Variants in EPSTI1 observed in about 807,000 individuals in gnomAD.
EPSTI1 encodes epithelial stromal interaction 1.
In EPSTI1, 66 loss-of-function variants were observed where a neutral mutation model predicts 49.9. That is an observed-to-expected ratio of 1.32 (90% CI 1.08 to 1.62). The LOEUF (loss-of-function observed/expected upper bound fraction) is 1.62, where lower values mean the gene tolerates loss of function less well. Among genes scored for constraint, EPSTI1 ranks in the 40% most tolerant of loss-of-function variants. The probability of loss-of-function intolerance (pLI) is 0.00; values close to 1 mark genes in which losing one functional copy is unlikely to be tolerated. For missense variants in EPSTI1, 394 were observed against 365.5 expected (o/e 1.08, Z -0.64); for synonymous variants, 137 against 130.7 (o/e 1.05, Z -0.33).
At chr13:42,971,836 C>G (rs1451304262) in intron 1 of EPSTI1, among the ~76,000 whole-genome samples, 1 of 152,188 alleles carries the variant, frequency 6.6e-6, no homozygotes, top group Non-Finnish European at 1.5e-5. Flanking sequence ...GTGCAACAGC[C>G]TTTGCATGCA....
At chr13:42,983,102 A>G (rs939125955) in intron 1 of EPSTI1, among the ~76,000 whole-genome samples, 10 of 152,208 alleles carry the variant, frequency 6.6e-5, no homozygotes, top group African/African-American at 2.4e-4. Flanking sequence ...ATGAATGGGT[A>G]TGCTTTTCTC....
intron 1 of EPSTI1, among the ~76,000 whole-genome samples, chr13:42,970,977 T>G (rs1438514344): frequency 6.6e-6 from 1 of 152,218 alleles, no homozygotes; most frequent in African/African-American, 2.4e-5. Context: ...AGTAAATTCC[T>G]TTAAGATGGC....
intron 6 of EPSTI1, among the ~76,000 whole-genome samples, chr13:42,940,745 C>T (rs970131554): frequency 9.9e-5 from 15 of 152,148 alleles, no homozygotes; most frequent in Admixed American, 9.8e-4. Flanking sequence ...GAATCATGCT[C>T]ATTGTTGAAT....
At chr13:42,980,499 G>C (rs190570914) in intron 1 of EPSTI1, among the ~76,000 whole-genome samples, 6 of 152,340 alleles carry the variant, frequency 3.9e-5, no homozygotes, top group Non-Finnish European at 7.3e-5. Context: ...GCAGGCAAGA[G>C]AGCACGTGCA....
At chr13:42,947,573 A>C (rs2038955472) in intron 6 of EPSTI1, among the ~76,000 whole-genome samples, 1 of 152,164 alleles carries the variant, frequency 6.6e-6, no homozygotes, top group South Asian at 2.1e-4. Context: ...ATTTTTTTTA[A>C]GAGGTGAGCA....
intron 10 of EPSTI1, chr13:42,889,389 G>T: frequency 5.7e-6 from 3 of 530,232 alleles, no homozygotes; most frequent in Non-Finnish European, 9.6e-6. Flanking sequence ...ACTTATTGGG[G>T]GCCTACTGCT....
intron 8 of EPSTI1, among the ~76,000 whole-genome samples, chr13:42,902,039 T>C (rs916469926): frequency 6.6e-6 from 1 of 152,028 alleles, no homozygotes; most frequent in Non-Finnish European, 1.5e-5. Flanking sequence ...GTTCTTGCGA[T>C]AGTTTACTGA....
intron 9 of EPSTI1, among the ~76,000 whole-genome samples, chr13:42,898,352 A>G (rs896289615): frequency 6.6e-6 from 1 of 152,246 alleles, no homozygotes; most frequent in Non-Finnish European, 1.5e-5. Context: ...TTAAGAGTTC[A>G]TTGAGTATGT....
chr13:42,931,191 C>CTTTTTTTTTTTTTTT (rs57488808), intron 6 of EPSTI1, among the ~76,000 whole-genome samples: 3 of 77,628 alleles, frequency 3.9e-5, no homozygotes, highest in Admixed American at 2.9e-4. Context: ...TTGCCTACAG[C>CTTTTTTTTTTTTTTT]TTTTTTTTTT....
At chr13:42,894,115 A>G (rs1275166226) in intron 10 of EPSTI1, among the ~76,000 whole-genome samples, 1 of 152,266 alleles carries the variant, frequency 6.6e-6, no homozygotes, top group African/African-American at 2.4e-5. Context: ...GTAAACTACT[A>G]GATTACTAGA....
chr13:42,895,863 CTA>C (rs1454620592), intron 9 of EPSTI1, among the ~76,000 whole-genome samples: 1 of 152,100 alleles, frequency 6.6e-6, no homozygotes, highest in Non-Finnish European at 1.5e-5. Flanking sequence ...AGAAATAAGA[CTA>C]TAAGCTTCTG....
chr13:42,911,950 T>G (rs778224237), intron 8 of EPSTI1, among the ~76,000 whole-genome samples: 1 of 152,220 alleles, frequency 6.6e-6, no homozygotes, highest in East Asian at 1.9e-4. Flanking sequence ...ATGACTTCCC[T>G]ATAAAAGTCT....
Position 42,986,404 on chromosome 13 carries a change from A to AGAAAC in EPSTI1, c.188+5573_188+5574insGTTTC, listed in dbSNP as rs56144289. On this transcript the variant is annotated intron_variant, in intron 1 of 10. Coordinates refer to ENST00000313624, the MANE Select transcript of EPSTI1 (RefSeq NM_033255.5). ...GTGAGGTCCCTAGACAGCTAGCTTA[A>AGAAAC]GAGACTGGTAGCTAGAAAAACCAGC... is the stretch of plus-strand genomic sequence containing the variant. Among the ~76,000 whole-genome samples, 362 of 151,902 alleles carry AGAAAC rather than the reference A, an allele frequency of 2.4e-3. 4 individuals are homozygous for AGAAAC. Among genetic ancestry groups the AGAAAC allele is most frequent in the Non-Finnish European group, 3.9e-3 (265 of 67,900 alleles).
intron 1 of EPSTI1, among the ~76,000 whole-genome samples, chr13:42,979,248 A>G (rs1481523520): frequency 1.3e-5 from 2 of 152,216 alleles, no homozygotes; most frequent in South Asian, 2.1e-4. Context: ...GAGCTTTAGA[A>G]TATCACCTAA....
chr13:42,942,111 T>C (rs2038771986), intron 6 of EPSTI1, among the ~76,000 whole-genome samples: 1 of 152,218 alleles, frequency 6.6e-6, no homozygotes. Flanking sequence ...TTTTATTGTG[T>C]TGAATGTTTT....
chr13:42,921,822 C>T (rs533757711), intron 7 of EPSTI1, among the ~76,000 whole-genome samples: 3 of 151,782 alleles, frequency 2.0e-5, no homozygotes, highest in African/African-American at 7.3e-5. Flanking sequence ...TACAAACACC[C>T]AGGACAGGTT....
chr13:42,900,939 G>A (rs1327472224), intron 8 of EPSTI1, among the ~76,000 whole-genome samples: 2 of 152,108 alleles, frequency 1.3e-5, no homozygotes, highest in East Asian at 3.8e-4. Context: ...GAGATACTTT[G>A]CTTCATATAA....
At chr13:42,952,845 A>G (rs1219601095) in intron 6 of EPSTI1, among the ~76,000 whole-genome samples, 2 of 152,240 alleles carry the variant, frequency 1.3e-5, no homozygotes, top group South Asian at 2.1e-4. Flanking sequence ...TGAATCTTAA[A>G]GCAAGAAGGA....
rs199563963 is a variant in EPSTI1, at chr13:42,890,286, T to TTTTTC, written c.916-1789_916-1785dup. On this transcript the variant is annotated intron_variant, in intron 10 of 10. Transcript: ENST00000313624. ...ATCTTTCTACAAAATTTAAGAATTTTTTTTCTTTTCTTTTTTTTTTTTTTT... is the reference window on the plus strand; with the variant it reads ...ATCTTTCTACAAAATTTAAGAATTTTTTTTCTTTTCTTTTCTTTTTTTTTTTTTTT... Among the ~76,000 whole-genome samples, 745 of 135,450 alleles carry TTTTTC rather than the reference T, an allele frequency of 5.5e-3. 23 individuals carry two copies. The highest frequency in any genetic ancestry group is 0.013 in the African/African-American group (480 of 36,410). The allele number at this position is 135,450 out of a possible 152,430, so 88.9% of individuals were successfully genotyped here.
Sources: gnomAD v4.1 joint callset for allele counts (sites outside exome capture counted in the v4.1 genomes callset) on GRCh38, gnomAD v4.1.1 for gene constraint, MANE v1.5 for transcripts, NCBI Gene and HGNC (gene_info 2026-07-23, HGNC 2026-07-21) for gene names.